Variants in FANCB observed in about 807,000 individuals in gnomAD.
FANCB encodes FA complementation group B.
Under a neutral mutation model 38.9 loss-of-function variants are expected in FANCB, and 5 were observed. That is an observed-to-expected ratio of 0.13 (90% CI 0.07 to 0.27). The LOEUF (loss-of-function observed/expected upper bound fraction) is 0.27. Among genes scored for constraint, FANCB ranks in the 10% least tolerant of loss-of-function variants. The pLI is 1.00. For synonymous variants in FANCB, 236 were observed against 215.4 expected (o/e 1.10, Z -0.84); for missense variants, 573 against 602.7 (o/e 0.95, Z 0.52).
intron 7 of FANCB, among the ~76,000 whole-genome samples, chrX:14,847,652 A>G (rs773095475): frequency 2.0e-5 from 2 of 101,828 alleles, no homozygotes; most frequent in Non-Finnish European, 4.0e-5. Flanking sequence ...CTAAAGGAGG[A>G]AAAAAAAAAA....
chrX:14,854,631 T>C (rs755256431), intron 5 of FANCB, among the ~76,000 whole-genome samples: 3 of 111,711 alleles, frequency 2.7e-5, no homozygotes, highest in Non-Finnish European at 5.6e-5. Flanking sequence ...TACAGGAGCA[T>C]ATCGTACTGC....
chrX:14,854,690 C>T (rs889610274), intron 5 of FANCB, among the ~76,000 whole-genome samples: 14 of 111,478 alleles, frequency 1.3e-4, no homozygotes, highest in East Asian at 5.6e-4. Flanking sequence ...CTCTATCATA[C>T]GTGCAGAAGA....
the FANCB span, among the ~76,000 whole-genome samples, chrX:14,725,108 C>T: frequency 6.3e-5 from 7 of 111,720 alleles, no homozygotes; most frequent in Admixed American, 5.7e-4. Context: ...CTTTTCTTGG[C>T]CTCAGTTTCC....
the FANCB span, among the ~76,000 whole-genome samples, chrX:14,792,547 T>C: frequency 0.025 from 2,789 of 111,677 alleles, 85 homozygotes; most frequent in African/African-American, 0.084. Context: ...TATTGTCTTA[T>C]TTTAAAAGGA....
chrX:14,830,555 T>C, the FANCB span, among the ~76,000 whole-genome samples: 5 of 111,675 alleles, frequency 4.5e-5, no homozygotes, highest in Non-Finnish European at 5.6e-5. Flanking sequence ...TGACAATATA[T>C]CCTAAATATC....
downstream of FANCB, chrX:14,834,762 T>A (rs1200248909): frequency 1.5e-6 from 1 of 650,000 alleles, no homozygotes; most frequent in Non-Finnish European, 2.5e-6. Flanking sequence ...GGCTGTAGTA[T>A]CTTGTATAGA....
the FANCB span, among the ~76,000 whole-genome samples, chrX:14,787,524 TAGAAA>T: frequency 9.0e-6 from 1 of 110,810 alleles, no homozygotes; most frequent in African/African-American, 3.3e-5. Flanking sequence ...TCAAAATTAC[TAGAAA>T]AGAAGACTTT....
At chrX:14,810,114 T>C in the FANCB span, among the ~76,000 whole-genome samples, 2 of 111,789 alleles carry the variant, frequency 1.8e-5, no homozygotes, top group Non-Finnish European at 3.8e-5. Context: ...TCCTGTCTGT[T>C]AGAAGGAAAA....
intron 3 of FANCB, 30 bp downstream of exon 3, chrX:14,864,530 A>G (rs1215912024): frequency 1.0e-6 from 1 of 953,962 alleles, no homozygotes; most frequent in African/African-American, 1.9e-5. Context: ...GAGACCACCA[A>G]CTGAATTATT....
chrX:14,840,862 C>A (rs1432809893), downstream of FANCB, among the ~76,000 whole-genome samples: 1 of 111,912 alleles, frequency 8.9e-6, no homozygotes, highest in African/African-American at 3.2e-5. Flanking sequence ...AGCAAAAAAT[C>A]TGAATAGTCA....
the FANCB span, among the ~76,000 whole-genome samples, chrX:14,808,505 A>G: frequency 8.9e-6 from 1 of 112,133 alleles, no homozygotes; most frequent in Non-Finnish European, 1.9e-5. Context: ...ATTTGATAAA[A>G]TTCAACATCC....
the FANCB span, among the ~76,000 whole-genome samples, chrX:14,711,074 C>T: frequency 8.9e-6 from 1 of 112,282 alleles, no homozygotes; most frequent in Non-Finnish European, 1.9e-5. Flanking sequence ...GCCATTAATA[C>T]AAATATGAGT....
chrX:14,829,855 A>G, the FANCB span, among the ~76,000 whole-genome samples: 1 of 112,448 alleles, frequency 8.9e-6, no homozygotes, highest in African/African-American at 3.2e-5. Flanking sequence ...TAGTATGTTC[A>G]CTGAAGTAGC....
chrX:14,726,553 T>C, the FANCB span, among the ~76,000 whole-genome samples: 1 of 112,481 alleles, frequency 8.9e-6, no homozygotes. Flanking sequence ...ATGAGGAAAG[T>C]ATTTTCAAGC....
At chrX:14,846,928 G>GA (rs1319017677) in intron 7 of FANCB, among the ~76,000 whole-genome samples, 1 of 110,066 alleles carries the variant, frequency 9.1e-6, no homozygotes, top group Non-Finnish European at 1.9e-5. Flanking sequence ...CTCACGATTT[G>GA]AAAAAATATT....
At chrX:14,765,835 C>T in the FANCB span, among the ~76,000 whole-genome samples, 121 of 111,222 alleles carry the variant, frequency 1.1e-3, no homozygotes, top group African/African-American at 3.8e-3. Flanking sequence ...ACTCTGCCGC[C>T]GGAGAAATGA....
At chrX:14,834,227 C>T (rs1021144984), downstream of FANCB, among the ~76,000 whole-genome samples, 11 of 111,098 alleles carry the variant, frequency 9.9e-5, no homozygotes, top group Non-Finnish European at 1.5e-4. Context: ...GTCTGACCAC[C>T]GCTACTACTA....
chrX:14,753,560 C>T, the FANCB span, among the ~76,000 whole-genome samples: 2 of 111,555 alleles, frequency 1.8e-5, no homozygotes, highest in East Asian at 2.8e-4. Flanking sequence ...GCTGGGTGGT[C>T]TAGGATGACC....
the FANCB span, among the ~76,000 whole-genome samples, chrX:14,762,183 G>A: frequency 8.1e-5 from 9 of 111,098 alleles, no homozygotes; most frequent in East Asian, 5.7e-4. Context: ...ATGCTATGTC[G>A]TCACATGGCA....
Sources: allele counts gnomAD v4.1 joint callset (sites outside exome capture counted in the v4.1 genomes callset), GRCh38; gene constraint gnomAD v4.1.1; transcripts MANE v1.5; gene names NCBI Gene and HGNC (gene_info 2026-07-23, HGNC 2026-07-21).